The following ADAMTSL1 variants were observed in gnomAD, a reference collection of about 807,000 sequenced individuals.
ADAMTSL1 encodes ADAMTS-like protein 1.
Under a neutral mutation model 201.8 loss-of-function variants are expected in ADAMTSL1, and 126 were observed. That is an observed-to-expected ratio of 0.62 (90% CI 0.54 to 0.72). The LOEUF (loss-of-function observed/expected upper bound fraction) is 0.72. ADAMTSL1 is among the 30% of genes least tolerant of loss of function. The pLI is 0.00. For missense variants in ADAMTSL1, 2,679 were observed against 2,277.8 expected (o/e 1.18, Z -3.59); for synonymous variants, 1,121 against 903.4 (o/e 1.24, Z -4.32).
intron 26 of ADAMTSL1, among the ~76,000 whole-genome samples, chr9:18,897,564 G>T (rs1829723548): frequency 6.6e-6 from 1 of 152,330 alleles, no homozygotes; most frequent in Admixed American, 6.5e-5. Flanking sequence ...GATACATCCA[G>T]GTAAGGGGAA....
intron 1 of ADAMTSL1, among the ~76,000 whole-genome samples, chr9:18,005,481 A>C (rs1819777120): frequency 6.6e-6 from 1 of 152,090 alleles, no homozygotes; most frequent in African/African-American, 2.4e-5. Flanking sequence ...GACCAAAGAC[A>C]CACAGCTTAT....
intron 1 of ADAMTSL1, among the ~76,000 whole-genome samples, chr9:18,143,165 T>C (rs74823436): frequency 0.033 from 5,099 of 152,274 alleles, 123 homozygotes; most frequent in Non-Finnish European, 0.054. Flanking sequence ...TCTGCTGCCA[T>C]CTAGGAAAGT....
intron 1 of ADAMTSL1, among the ~76,000 whole-genome samples, chr9:18,095,347 A>T (rs1332964287): frequency 6.6e-6 from 1 of 151,892 alleles, no homozygotes; most frequent in South Asian, 2.1e-4. Context: ...TGAAAGTTCA[A>T]ATTGGCCAGG....
chr9:18,789,933 G>T (rs1821926620), intron 19 of ADAMTSL1, among the ~76,000 whole-genome samples: 8 of 152,162 alleles, frequency 5.3e-5, no homozygotes, highest in Admixed American at 5.2e-4. Flanking sequence ...CTGTGTTGAG[G>T]CCTACAATAG....
intron 4 of ADAMTSL1, among the ~76,000 whole-genome samples, chr9:18,606,585 A>T (rs1052503765): frequency 2.0e-5 from 3 of 152,150 alleles, no homozygotes; most frequent in South Asian, 4.1e-4. Context: ...AATAGGAATG[A>T]CATTTTTTAA....
chr9:18,258,828 C>T (rs935374585), intron 2 of ADAMTSL1, among the ~76,000 whole-genome samples: 1 of 152,244 alleles, frequency 6.6e-6, no homozygotes, highest in Non-Finnish European at 1.5e-5. Flanking sequence ...TTACTGTCTA[C>T]ACATCCTTAA....
chr9:18,287,480 G>T (rs1478631705), intron 2 of ADAMTSL1, among the ~76,000 whole-genome samples: 3 of 151,016 alleles, frequency 2.0e-5, no homozygotes, highest in African/African-American at 4.9e-5. Flanking sequence ...TGTATGTTCA[G>T]ATATGTAATG....
chr9:18,290,262 C>T (rs59974482), intron 2 of ADAMTSL1, among the ~76,000 whole-genome samples: 5 of 150,418 alleles, frequency 3.3e-5, no homozygotes, highest in Non-Finnish European at 5.9e-5. Context: ...CCTTGAAAGC[C>T]GCTATGCCAG....
chr9:18,386,836 G>A (rs942011037), intron 2 of ADAMTSL1, among the ~76,000 whole-genome samples: 1 of 151,962 alleles, frequency 6.6e-6, no homozygotes, highest in South Asian at 2.1e-4. Context: ...ACTTATTTTT[G>A]AGAAAGCACA....
At chr9:18,218,304 C>T (rs1162726852) in intron 2 of ADAMTSL1, among the ~76,000 whole-genome samples, 1 of 152,110 alleles carries the variant, frequency 6.6e-6, no homozygotes, top group Non-Finnish European at 1.5e-5. Flanking sequence ...CATGATTTAG[C>T]TGGAATCACC....
intron 4 of ADAMTSL1, chr9:18,574,470 T>C (rs1389535971): frequency 3.2e-6 from 2 of 621,714 alleles, no homozygotes; most frequent in East Asian, 2.7e-5. Flanking sequence ...ACTAGAGTTA[T>C]TTTTCTTTCC....
chr9:18,083,675 C>A (rs908349427), intron 1 of ADAMTSL1, among the ~76,000 whole-genome samples: 1 of 152,170 alleles, frequency 6.6e-6, no homozygotes, highest in Non-Finnish European at 1.5e-5. Context: ...TTATGAGGAA[C>A]AATTTGCTGT....
chr9:18,428,434 C>CAAAAAAAAA (rs368935296), intron 2 of ADAMTSL1, among the ~76,000 whole-genome samples: 1 of 119,620 alleles, frequency 8.4e-6, no homozygotes, highest in East Asian at 2.3e-4. Context: ...CCTATGTCTA[C>CAAAAAAAAA]AAAAAAAAAA....
chr9:18,719,873 T>C (rs893626957), intron 14 of ADAMTSL1, among the ~76,000 whole-genome samples: 9 of 152,100 alleles, frequency 5.9e-5, no homozygotes, highest in Non-Finnish European at 7.4e-5. Context: ...GCATGGTGGG[T>C]CAACTGTACT....
intron 2 of ADAMTSL1, among the ~76,000 whole-genome samples, chr9:18,437,753 A>G (rs1434390769): frequency 6.6e-6 from 1 of 152,186 alleles, no homozygotes; most frequent in African/African-American, 2.4e-5. Flanking sequence ...AAGGCATTTC[A>G]TTAAATACCA....
intron 2 of ADAMTSL1, among the ~76,000 whole-genome samples, chr9:18,166,963 C>G (rs1827663843): frequency 1.3e-5 from 2 of 151,912 alleles, no homozygotes; most frequent in South Asian, 4.1e-4. Context: ...AACTTTCTAG[C>G]TAGCTTCCTC....
At chr9:18,810,100 G>GTGC (rs1563819963) in intron 20 of ADAMTSL1, among the ~76,000 whole-genome samples, 1 of 152,166 alleles carries the variant, frequency 6.6e-6, no homozygotes, top group Non-Finnish European at 1.5e-5. Context: ...ATGTATACCA[G>GTGC]TGCTAATTCA....
chr9:18,240,926 C>T (rs1831036860), intron 2 of ADAMTSL1, among the ~76,000 whole-genome samples: 2 of 152,208 alleles, frequency 1.3e-5, no homozygotes, highest in South Asian at 2.1e-4. Flanking sequence ...TCTGCAGCTT[C>T]CTCACTTCTG....
chr9:18,295,461 C>G (rs568722738), intron 2 of ADAMTSL1, among the ~76,000 whole-genome samples: 50 of 152,154 alleles, frequency 3.3e-4, no homozygotes, highest in Middle Eastern at 6.8e-3. Context: ...GCTTCAGCCT[C>G]CTGAGTAGCT....
Sources: gnomAD v4.1 joint callset for allele counts (sites outside exome capture counted in the v4.1 genomes callset) on GRCh38, gnomAD v4.1.1 for gene constraint, MANE v1.5 for transcripts, NCBI Gene and HGNC (gene_info 2026-07-23, HGNC 2026-07-21) for gene names.